Variants in KLC1 observed in about 807,000 individuals in gnomAD.
KLC1 encodes kinesin 2 60/70kDa.
In KLC1, 30 loss-of-function variants were observed where a neutral mutation model predicts 84.2. The ratio of observed to expected loss-of-function variants is 0.36; its 90% CI spans 0.27 to 0.48. The LOEUF is 0.48. Among genes scored for constraint, KLC1 ranks in the 20% least tolerant of loss-of-function variants. The probability of loss-of-function intolerance (pLI) is 0.99; values close to 1 mark genes in which losing one functional copy is unlikely to be tolerated. For missense variants in KLC1, 499 were observed against 805.4 expected (o/e 0.62, Z 4.60); for synonymous variants, 289 against 293.3 (o/e 0.99, Z 0.15).
chr14:103,645,745 A>G (rs1157054289), intron 1 of KLC1, among the ~76,000 whole-genome samples: 3 of 148,374 alleles, frequency 2.0e-5, no homozygotes, highest in Non-Finnish European at 4.5e-5. Context: ...GATATAGTCA[A>G]AATAGGTGTT....
At chr14:103,654,967 C>T in intron 2 of KLC1, 142 bp downstream of exon 2, 1 of 933,990 alleles carries the variant, frequency 1.1e-6, no homozygotes. Flanking sequence ...TGGCTCAGGC[C>T]TGTAATCCAA....
At chr14:103,665,891 T>C (rs1456262026) in intron 5 of KLC1, among the ~76,000 whole-genome samples, 1 of 152,074 alleles carries the variant, frequency 6.6e-6, no homozygotes, top group East Asian at 1.9e-4. Context: ...GGGGCTCTAT[T>C]CCGTTGGTGG....
At position 103,673,195 on chromosome 14, in the gene KLC1, G is replaced by A; in HGVS notation, c.1161+8G>A. On this transcript the variant is annotated splice_region_variant and intron_variant, in intron 8 of 16. Transcript: ENST00000334553. ...AAGACGAAAAATAACCTGGTGTGTT[G>A]ACTGCACAGCACTAGGGAGGGGGCC... 1 of 1,611,164 alleles carries A rather than the reference G, an allele frequency of 6.2e-7. No homozygotes were observed. The highest frequency in any genetic ancestry group is 8.5e-7 in the Non-Finnish European group (1 of 1,178,576).
At chr14:103,686,259 T>G (rs772319416) in intron 13 of KLC1, 1 of 981,124 alleles carries the variant, frequency 1.0e-6, no homozygotes, top group Non-Finnish European at 1.2e-6. Flanking sequence ...TTGGTAGAAC[T>G]TCTCACTCTT....
chr14:103,699,641 G>A (rs974065905), intron 15 of KLC1: 68 of 1,536,136 alleles, frequency 4.4e-5, no homozygotes, highest in Middle Eastern at 1.7e-4. Flanking sequence ...ACCAGACCCC[G>A]TTTGGACTGT....
intron 15 of KLC1, chr14:103,700,233 GCT>G (rs1353340336): frequency 4.9e-6 from 1 of 203,446 alleles, no homozygotes; most frequent in African/African-American, 2.4e-5. Context: ...TTAGCCCTGT[GCT>G]CTGAGCTGGC....
intron 1 of KLC1, among the ~76,000 whole-genome samples, chr14:103,632,491 C>G (rs569951223): frequency 6.7e-6 from 1 of 149,810 alleles, no homozygotes; most frequent in African/African-American, 2.5e-5. Context: ...CAAGATGGAC[C>G]GATCACCTGA....
intron 7 of KLC1, 56 bp downstream of exon 7, chr14:103,670,339 G>GTTTT: frequency 1.1e-4 from 95 of 845,482 alleles, no homozygotes; most frequent in Middle Eastern, 3.3e-4. Flanking sequence ...TGTGTGTGTG[G>GTTTT]TTTTTTTTTT....
At chr14:103,666,209 G>T (rs993119464) in intron 5 of KLC1, among the ~76,000 whole-genome samples, 3 of 151,972 alleles carry the variant, frequency 2.0e-5, no homozygotes, top group Admixed American at 6.6e-5. Context: ...GACTACAGGC[G>T]CCTGCCACCG....
Position 103,651,391 on chromosome 14 carries a change from G to GT in KLC1, c.-1-3173_-1-3172insT, listed in dbSNP as rs570562708. Among the ~76,000 whole-genome samples the GT allele has an allele frequency of 7.2e-3, 976 of 136,374 alleles. 9 individuals are homozygous for GT. Among genetic ancestry groups the GT allele is most frequent in the African/African-American group, 0.023 (922 of 39,242 alleles). The allele number at this position is 136,374 out of a possible 152,430, so 89.5% of individuals were successfully genotyped here. On this transcript the variant is annotated intron_variant, in intron 1 of 16. Transcript: ENST00000334553. ...TGCCTGTATTTCCTTCTAGTTTCTT[G>GT]GTTTTTTTTTAATTTAGTTATTAAT...
intron 1 of KLC1, among the ~76,000 whole-genome samples, chr14:103,644,631 C>T (rs1031183403): frequency 6.6e-5 from 10 of 152,048 alleles, no homozygotes; most frequent in African/African-American, 1.4e-4. Context: ...TGGTAGCTCA[C>T]GCCTATAATC....
chr14:103,634,633 G>A (rs994566484), intron 1 of KLC1, among the ~76,000 whole-genome samples: 2 of 152,164 alleles, frequency 1.3e-5, no homozygotes, highest in African/African-American at 4.8e-5. Flanking sequence ...CAAGAGAAGA[G>A]GAGGGAGGAG....
intron 1 of KLC1, among the ~76,000 whole-genome samples, chr14:103,631,667 C>T (rs760832926): frequency 6.6e-5 from 10 of 151,708 alleles, no homozygotes; most frequent in Admixed American, 1.3e-4. Flanking sequence ...GTGTGATCCC[C>T]GCTCACTGCA....
chr14:103,651,568 AT>A (rs2078445104), intron 1 of KLC1, among the ~76,000 whole-genome samples: 1 of 152,212 alleles, frequency 6.6e-6, no homozygotes, highest in African/African-American at 2.4e-5. Context: ...GAGTCTAAAT[AT>A]ACATGCCGCT....
At chr14:103,685,110 A>G (rs2081676135) in intron 13 of KLC1, 2 of 1,497,876 alleles carry the variant, frequency 1.3e-6, no homozygotes, top group Non-Finnish European at 8.9e-7. Context: ...CCAACCTGGC[A>G]GGACCCAGGA....
intron 13 of KLC1, chr14:103,684,986 A>G: frequency 9.7e-7 from 1 of 1,035,766 alleles, no homozygotes; most frequent in Non-Finnish European, 1.5e-6. Context: ...CATTTTAAAG[A>G]TGAGGAAAAT....
intron 1 of KLC1, among the ~76,000 whole-genome samples, chr14:103,629,943 G>C (rs1290357413): frequency 1.3e-5 from 2 of 152,120 alleles, no homozygotes; most frequent in African/African-American, 4.8e-5. Flanking sequence ...GGGGAGGCCG[G>C]AGGCCCGGCG....
intron 15 of KLC1, chr14:103,699,300 G>A: frequency 6.5e-7 from 1 of 1,547,386 alleles, no homozygotes; most frequent in Non-Finnish European, 8.7e-7. Context: ...CTCCAGACCG[G>A]CTCTGCTTCC....
chr14:103,636,116 C>T (rs938866463), intron 1 of KLC1, among the ~76,000 whole-genome samples: 1 of 152,180 alleles, frequency 6.6e-6, no homozygotes, highest in African/African-American at 2.4e-5. Flanking sequence ...CATCTGGCAG[C>T]GCTGAGACTG....
Sources: allele counts gnomAD v4.1 joint callset (sites outside exome capture counted in the v4.1 genomes callset), GRCh38; gene constraint gnomAD v4.1.1; transcripts MANE v1.5; gene names NCBI Gene and HGNC (gene_info 2026-07-23, HGNC 2026-07-21).